FAF1: variants seen among roughly 807,000 people sequenced by gnomAD.
The protein encoded by FAF1 is Fas associated factor 1.
In FAF1, 25 loss-of-function variants were observed where a neutral mutation model predicts 92.5. That is an observed-to-expected ratio of 0.27 (90% confidence interval 0.20 to 0.38). The LOEUF (loss-of-function observed/expected upper bound fraction) is 0.38. Ranked by LOEUF, FAF1 falls within the 10% of genes least tolerant of loss-of-function variation. FAF1 has a pLI of 1.00. For missense variants in FAF1, 636 were observed against 793.3 expected, an observed-to-expected ratio of 0.80 and a Z score of 2.38; for synonymous variants, 234 against 273.2, an observed-to-expected ratio of 0.86 and a Z score of 1.42.
At chr1:50,591,674 G>GAAAAAAA (rs35426054) in intron 9 of FAF1, among the ~76,000 whole-genome samples, 1 of 93,674 alleles carries the variant, frequency 1.1e-5, no homozygotes, top group Non-Finnish European at 2.2e-5. Context: ...CTCCATCTCA[G>GAAAAAAA]AAAAAAAAAA....
At chr1:50,832,527 G>A (rs1644163632) in intron 2 of FAF1, among the ~76,000 whole-genome samples, 1 of 152,200 alleles carries the variant, frequency 6.6e-6, no homozygotes, top group Non-Finnish European at 1.5e-5. Flanking sequence ...ATATATGAGA[G>A]TTTGACAAAC....
intron 8 of FAF1, among the ~76,000 whole-genome samples, chr1:50,623,947 C>T (rs1353261033): frequency 7.1e-6 from 1 of 141,638 alleles, no homozygotes; most frequent in African/African-American, 2.6e-5. Flanking sequence ...CAAAAAAAAA[C>T]AAAGAAAGAA....
intron 1 of FAF1, among the ~76,000 whole-genome samples, chr1:50,956,713 C>T (rs1393814723): frequency 6.6e-6 from 1 of 152,098 alleles, no homozygotes; most frequent in African/African-American, 2.4e-5. Flanking sequence ...CTTTGGGAGG[C>T]CAAGGCAGGT....
chr1:50,812,070 G>A (rs2124606677), intron 2 of FAF1, among the ~76,000 whole-genome samples: 1 of 152,208 alleles, frequency 6.6e-6, no homozygotes, highest in East Asian at 1.9e-4. Context: ...AACTCAAGAT[G>A]AATTAAAGAC....
chr1:50,933,970 C>G (rs1371963892), intron 1 of FAF1, among the ~76,000 whole-genome samples: 3 of 152,202 alleles, frequency 2.0e-5, no homozygotes, highest in Non-Finnish European at 4.4e-5. Flanking sequence ...TTATCTCCTC[C>G]TGGGTCCCTC....
At chr1:50,935,135 G>A (rs1470490845) in intron 1 of FAF1, among the ~76,000 whole-genome samples, 2 of 152,130 alleles carry the variant, frequency 1.3e-5, no homozygotes, top group Non-Finnish European at 2.9e-5. Flanking sequence ...AAATATTTGA[G>A]AATTGTTTTA....
intron 15 of FAF1, among the ~76,000 whole-genome samples, chr1:50,527,811 G>GTCTCTCTCTCTCTC (rs9326017): frequency 4.1e-4 from 31 of 75,298 alleles, no homozygotes; most frequent in East Asian, 6.2e-4. Flanking sequence ...TTACTCTGCT[G>GTCTCTCTCTCTCTC]TCTCTCTCTC....
intron 18 of FAF1, among the ~76,000 whole-genome samples, chr1:50,445,257 A>G (rs1323671996): frequency 6.6e-6 from 1 of 152,164 alleles, no homozygotes; most frequent in Non-Finnish European, 1.5e-5. Flanking sequence ...CTGAGTCCCC[A>G]AAGTCCATTA....
At chr1:50,686,988 C>A (rs1323756801) in intron 7 of FAF1, among the ~76,000 whole-genome samples, 1 of 152,030 alleles carries the variant, frequency 6.6e-6, no homozygotes, top group Non-Finnish European at 1.5e-5. Context: ...GCCACCACGC[C>A]CAGCTAATTT....
At chr1:50,879,105 G>A (rs971118924) in intron 1 of FAF1, among the ~76,000 whole-genome samples, 3 of 152,266 alleles carry the variant, frequency 2.0e-5, no homozygotes, top group Non-Finnish European at 4.4e-5. Context: ...ACTTAGCCGG[G>A]TGTATGGTGG....
At chr1:50,867,344 C>T (rs893740867) in intron 1 of FAF1, among the ~76,000 whole-genome samples, 6 of 151,984 alleles carry the variant, frequency 3.9e-5, no homozygotes, top group Non-Finnish European at 7.4e-5. Context: ...TGAAACTTAA[C>T]TAAACTCAAA....
chr1:50,885,713 G>A (rs950910943), intron 1 of FAF1, among the ~76,000 whole-genome samples: 1 of 152,032 alleles, frequency 6.6e-6, no homozygotes, highest in Non-Finnish European at 1.5e-5. Context: ...ATTTACTCCT[G>A]CCATTTTGTT....
At position 50,554,386 on chromosome 1, in the gene FAF1, T is replaced by TAGAGAGAG. The variant is rs760933574; in HGVS notation, c.1268+12690_1268+12691insCTCTCTCT. On this transcript the variant is annotated intron_variant, in intron 13 of 18. Coordinates refer to ENST00000396153, the MANE Select transcript of FAF1 (RefSeq NM_007051.3). ...GTAAATATATATATATATATATATA[T>TAGAGAGAG]ATATAGAGAGAGAGAGAGAGAGAGA... Among the ~76,000 whole-genome samples, 803 of 99,412 alleles carry TAGAGAGAG rather than the reference T, an allele frequency of 8.1e-3. 1 individual carries two copies. The highest frequency in any genetic ancestry group is 0.012 in the East Asian group (48 of 3,848). The allele number at this position is 99,412 out of a possible 152,430, so 65.2% of individuals were successfully genotyped here.
At chr1:50,858,148 T>G in intron 1 of FAF1, 151 bp from the exon 2 acceptor site, 1 of 498,186 alleles carries the variant, frequency 2.0e-6, no homozygotes, top group Non-Finnish European at 3.6e-6. Flanking sequence ...CTTCTAAGCA[T>G]TTTACATATA....
At chr1:50,650,810 G>A (rs1023225635) in intron 8 of FAF1, among the ~76,000 whole-genome samples, 1 of 152,120 alleles carries the variant, frequency 6.6e-6, no homozygotes, top group Non-Finnish European at 1.5e-5. Flanking sequence ...TTGTTAAAGT[G>A]TAAAATGAGA....
At chr1:50,901,618 C>A (rs1570118099) in intron 1 of FAF1, among the ~76,000 whole-genome samples, 1 of 152,064 alleles carries the variant, frequency 6.6e-6, no homozygotes, top group African/African-American at 2.4e-5. Flanking sequence ...GTAATCTCAG[C>A]ACTTTGGGAA....
intron 4 of FAF1, among the ~76,000 whole-genome samples, chr1:50,747,893 C>A (rs778211752): frequency 1.2e-4 from 18 of 152,168 alleles, no homozygotes; most frequent in Non-Finnish European, 2.5e-4. Flanking sequence ...TCCTCCTGCG[C>A]TGGCAATGTG....
Position 50,959,753 on chromosome 1 carries a change from G to A in FAF1, c.45+14C>T, listed in dbSNP as rs1252425973. ...AGGTTGGAAGTGGGAGGGGAAGAGG[G>A]CCAGATACTTCACCTGAAAATCCGC... On this transcript the variant is annotated intron_variant, in intron 1 of 18. Transcript: ENST00000396153. 6.3e-7 allele frequency: 1 copy of A among 1,599,570 alleles called. No individual in the cohort carries two copies. Among genetic ancestry groups the A allele is most frequent in the Middle Eastern group, 1.7e-4 (1 of 6,018 alleles).
At chr1:50,457,063 T>C (rs924797375) in intron 18 of FAF1, among the ~76,000 whole-genome samples, 41 of 151,902 alleles carry the variant, frequency 2.7e-4, no homozygotes, top group Non-Finnish European at 4.7e-4. Flanking sequence ...TAGGTTTTTT[T>C]CCCCTAGTTT....
Sources: gnomAD v4.1 joint callset for allele counts (sites outside exome capture counted in the v4.1 genomes callset) on GRCh38, gnomAD v4.1.1 for gene constraint, MANE v1.5 for transcripts, NCBI Gene and HGNC (gene_info 2026-07-23, HGNC 2026-07-21) for gene names.